The following PXDNL variants were observed in gnomAD, a reference collection of about 807,000 sequenced individuals.
The protein encoded by PXDNL is probable oxidoreductase PXDNL.
Under a neutral mutation model 150.8 loss-of-function variants are expected in PXDNL, and 145 were observed. That is an observed-to-expected ratio of 0.96 (90% CI 0.84 to 1.10). PXDNL has a LOEUF of 1.10. Ranked by LOEUF, PXDNL falls within the 50% of genes least tolerant of loss-of-function variation. The pLI is 0.00. For synonymous variants in PXDNL, 757 were observed against 725.7 expected (o/e 1.04, Z -0.69); for missense variants, 2,087 against 1,873.9 (o/e 1.11, Z -2.10).
At position 51,426,663 on chromosome 8, in the gene PXDNL, T is replaced by C; in HGVS notation, c.1621A>G (p.Ile541Val). Residue 541 changes from isoleucine to valine, a missense_variant, in exon 13 of 23, where the codon ATA becomes GTA. Coordinates refer to ENST00000356297, the MANE Select transcript of PXDNL (RefSeq NM_144651.5). ...GATCTTACCTTATTCCAAGTAATTA[T>C]GGGCTGTGGTTCTCCTTGAGCATGA... ...SCHAQGEPQP[I>V]ITWNKEGVQI... 6.3e-7 allele frequency: 1 copy of C among 1,592,774 alleles called. No individual in the cohort carries two copies. The highest frequency in any genetic ancestry group is 8.6e-7 in the Non-Finnish European group (1 of 1,162,962).
At chr8:51,446,500 T>C (rs1809681049) in intron 12 of PXDNL, among the ~76,000 whole-genome samples, 2 of 152,214 alleles carry the variant, frequency 1.3e-5, no homozygotes, top group Non-Finnish European at 2.9e-5. Flanking sequence ...CCTTTTTATA[T>C]ATCAGTTGAC....
intron 1 of PXDNL, among the ~76,000 whole-genome samples, chr8:51,721,369 A>G (rs907222709): frequency 1.3e-5 from 2 of 152,264 alleles, no homozygotes; most frequent in African/African-American, 2.4e-5. Context: ...AACTAAAAAC[A>G]GCTGCAGTAT....
chr8:51,650,393 G>A (rs566245076), intron 2 of PXDNL, among the ~76,000 whole-genome samples: 2 of 152,132 alleles, frequency 1.3e-5, no homozygotes, highest in Non-Finnish European at 2.9e-5. Context: ...CCATGATCGA[G>A]TATAAAAGTT....
chr8:51,724,977 AT>A (rs149191364), intron 1 of PXDNL, among the ~76,000 whole-genome samples: 37 of 151,386 alleles, frequency 2.4e-4, no homozygotes, highest in African/African-American at 9.0e-4. Flanking sequence ...TGGACACTTA[AT>A]TTTTTTTTCT....
chr8:51,674,625 C>A lies in PXDNL; in HGVS notation c.165-19865G>T, dbSNP rs534264629. On this transcript the variant is annotated intron_variant, in intron 1 of 22. Transcript: ENST00000356297. Reference sequence around the variant, plus strand: ...GTGTTTACTCCGAAATTCCAAGTGGCATTGGTGTGGCTATTGGGGCAGCTT... The same window carrying A: ...GTGTTTACTCCGAAATTCCAAGTGGAATTGGTGTGGCTATTGGGGCAGCTT... Among the ~76,000 whole-genome samples, 100 of 152,316 alleles carry A rather than the reference C, an allele frequency of 6.6e-4. 2 individuals are homozygous for A. The South Asian group carries it at 0.02, about 31-fold the overall frequency.
At chr8:51,730,505 A>G (rs1421075943) in intron 1 of PXDNL, among the ~76,000 whole-genome samples, 1 of 152,218 alleles carries the variant, frequency 6.6e-6, no homozygotes, top group East Asian at 1.9e-4. Flanking sequence ...TCTACTATGT[A>G]CCATTGATGT....
At chr8:51,797,190 A>G (rs2037570096) in intron 1 of PXDNL, among the ~76,000 whole-genome samples, 1 of 152,228 alleles carries the variant, frequency 6.6e-6, no homozygotes. Flanking sequence ...AATAAGAGCC[A>G]TTTATGACAA....
intron 17 of PXDNL, among the ~76,000 whole-genome samples, chr8:51,377,628 C>G (rs1563381663): frequency 6.6e-6 from 1 of 152,228 alleles, no homozygotes. Flanking sequence ...GCCGGCACCA[C>G]CCGTCCCAGG....
chr8:51,619,025 T>G (rs1814184575), intron 2 of PXDNL, among the ~76,000 whole-genome samples: 2 of 152,110 alleles, frequency 1.3e-5, no homozygotes, highest in South Asian at 4.1e-4. Context: ...TCTCATAGGA[T>G]TCAGAAAATG....
At chr8:51,775,333 G>C (rs889905679) in intron 1 of PXDNL, among the ~76,000 whole-genome samples, 1 of 152,156 alleles carries the variant, frequency 6.6e-6, no homozygotes, top group Non-Finnish European at 1.5e-5. Context: ...ACTTTATCAT[G>C]AAATTAATCA....
intron 8 of PXDNL, among the ~76,000 whole-genome samples, chr8:51,470,384 A>G (rs983752819): frequency 6.6e-6 from 1 of 152,114 alleles, no homozygotes; most frequent in Non-Finnish European, 1.5e-5. Context: ...AAAAGCAAAA[A>G]AGTTGTATAA....
At chr8:51,322,074 A>G (rs565360140) in intron 21 of PXDNL, among the ~76,000 whole-genome samples, 1 of 152,346 alleles carries the variant, frequency 6.6e-6, no homozygotes, top group East Asian at 1.9e-4. Flanking sequence ...ATGTGAGGAC[A>G]CAGGGAGAAG....
chr8:51,512,267 A>C (rs1811439134), intron 4 of PXDNL, among the ~76,000 whole-genome samples: 2 of 152,250 alleles, frequency 1.3e-5, no homozygotes, highest in African/African-American at 4.8e-5. Context: ...ATGTGTGAAG[A>C]GGAGCAAAGA....
At chr8:51,542,498 A>G (rs1379000278) in intron 4 of PXDNL, among the ~76,000 whole-genome samples, 166 of 116,020 alleles carry the variant, frequency 1.4e-3, no homozygotes, top group African/African-American at 5.8e-3. Context: ...GCCCTTATAA[A>G]AAAAAAAAAA....
intron 8 of PXDNL, among the ~76,000 whole-genome samples, chr8:51,463,507 A>C (rs1810129854): frequency 6.6e-6 from 1 of 152,188 alleles, no homozygotes; most frequent in South Asian, 2.1e-4. Context: ...ACTTTAAACC[A>C]CCAATTATAA....
At chr8:51,806,031 A>T (rs34909027) in intron 1 of PXDNL, among the ~76,000 whole-genome samples, 3,019 of 152,340 alleles carry the variant, frequency 0.02, 53 homozygotes, top group South Asian at 0.042. Flanking sequence ...AGATTTTCTC[A>T]ATGGCAGCAG....
At chr8:51,452,935 A>AACACACACACACACACACAC (rs146990384) in intron 10 of PXDNL, among the ~76,000 whole-genome samples, 17 of 142,630 alleles carry the variant, frequency 1.2e-4, no homozygotes, top group Non-Finnish European at 1.5e-4. Context: ...CACACACACA[A>AACACACACACACACACACAC]ACACACACAC....
At chr8:51,473,520 A>G (rs184354945) in intron 7 of PXDNL, among the ~76,000 whole-genome samples, 23 of 152,260 alleles carry the variant, frequency 1.5e-4, no homozygotes, top group African/African-American at 2.4e-4. Context: ...GACAGCATGT[A>G]AAAAGTCCTT....
chr8:51,593,329 C>T (rs926079843), intron 2 of PXDNL, among the ~76,000 whole-genome samples: 2 of 152,112 alleles, frequency 1.3e-5, no homozygotes, highest in African/African-American at 2.4e-5. Flanking sequence ...TCAGTAAAAG[C>T]ACCCTGGCAA....
Sources: allele counts gnomAD v4.1 joint callset (sites outside exome capture counted in the v4.1 genomes callset), GRCh38; gene constraint gnomAD v4.1.1; transcripts MANE v1.5; gene names NCBI Gene and HGNC (gene_info 2026-07-23, HGNC 2026-07-21).